The following ELMO1 variants were observed in gnomAD, a reference collection of about 807,000 sequenced individuals.
ELMO1 encodes engulfment and cell motility protein 1.
Under a neutral mutation model 98.9 loss-of-function variants are expected in ELMO1, and 26 were observed. That is an observed-to-expected ratio of 0.26 (90% confidence interval 0.19 to 0.36). The LOEUF (loss-of-function observed/expected upper bound fraction) is 0.36, where lower values mean the gene tolerates loss of function less well. Among genes scored for constraint, ELMO1 ranks in the 10% least tolerant of loss-of-function variants. ELMO1 has a pLI of 1.00. For missense variants in ELMO1, 627 were observed against 935.2 expected (o/e 0.67, Z 4.30); for synonymous variants, 346 against 346.0 (o/e 1.00, Z 0.00).
chr7:37,013,592 T>C (rs1370779788), intron 15 of ELMO1, 157 bp from the exon 16 acceptor site: 1 of 807,792 alleles, frequency 1.2e-6, no homozygotes, highest in Non-Finnish European at 1.9e-6. Context: ...AACCAAAGGA[T>C]GGCCCCCATA....
chr7:37,255,810 C>T (rs77304084), intron 6 of ELMO1, among the ~76,000 whole-genome samples: 1,669 of 105,682 alleles, frequency 0.016, 37 homozygotes, highest in African/African-American at 0.066. Context: ...AATCAATAAA[C>T]AGGGGTAAAC....
intron 18 of ELMO1, among the ~76,000 whole-genome samples, chr7:36,880,533 A>G (rs1164425183): frequency 1.3e-5 from 2 of 152,248 alleles, no homozygotes; most frequent in Non-Finnish European, 2.9e-5. Context: ...TGTTTATCCA[A>G]TGAATATTTG....
intron 17 of ELMO1, among the ~76,000 whole-genome samples, chr7:36,892,381 C>A (rs961054147): frequency 1.2e-4 from 19 of 152,096 alleles, no homozygotes; most frequent in African/African-American, 4.3e-4. Context: ...TGGGTTAGAT[C>A]CAACTCCTCT....
chr7:37,347,343 C>T (rs910897232), intron 1 of ELMO1, among the ~76,000 whole-genome samples: 4 of 152,280 alleles, frequency 2.6e-5, no homozygotes, highest in South Asian at 4.1e-4. Flanking sequence ...GGAGCTGCCC[C>T]GAGCATTGCA....
At chr7:37,421,253 A>G (rs1804458636) in intron 1 of ELMO1, among the ~76,000 whole-genome samples, 1 of 152,180 alleles carries the variant, frequency 6.6e-6, no homozygotes, top group Admixed American at 6.5e-5. Flanking sequence ...ACAGACACAA[A>G]TACTAAGTAT....
intron 1 of ELMO1, among the ~76,000 whole-genome samples, chr7:37,405,876 T>C (rs549886827): frequency 1.2e-4 from 18 of 152,312 alleles, no homozygotes; most frequent in Admixed American, 1.1e-3. Flanking sequence ...CTCTGGAAAG[T>C]TGGCCTCAAG....
chr7:37,098,146 C>A (rs2129260363), intron 14 of ELMO1, among the ~76,000 whole-genome samples: 1 of 152,322 alleles, frequency 6.6e-6, no homozygotes, highest in Non-Finnish European at 1.5e-5. Context: ...TCAGTAGCAT[C>A]TACAATGATG....
chr7:37,066,011 A>G (rs143826436), intron 15 of ELMO1, among the ~76,000 whole-genome samples: 1,743 of 152,160 alleles, frequency 0.011, 16 homozygotes, highest in Admixed American at 0.014. Flanking sequence ...ACAAGATCTG[A>G]TGGTTTTATA....
chr7:36,949,281 A>G (rs765577868), intron 16 of ELMO1, among the ~76,000 whole-genome samples: 2 of 152,162 alleles, frequency 1.3e-5, no homozygotes, highest in Non-Finnish European at 2.9e-5. Flanking sequence ...TTCTTATTCC[A>G]CTGTGTTTCC....
intron 16 of ELMO1, among the ~76,000 whole-genome samples, chr7:37,000,500 C>T (rs1792580095): frequency 6.6e-6 from 1 of 152,238 alleles, no homozygotes; most frequent in Non-Finnish European, 1.5e-5. Flanking sequence ...ACTGGGTCTT[C>T]CCACTCTTAT....
chr7:37,195,711 G>C (rs1285385778), intron 13 of ELMO1, among the ~76,000 whole-genome samples: 1 of 152,212 alleles, frequency 6.6e-6, no homozygotes, highest in Admixed American at 6.5e-5. Flanking sequence ...CCTGGTCCCA[G>C]ACGGACCACC....
chr7:37,260,446 C>G (rs540240629), intron 5 of ELMO1, among the ~76,000 whole-genome samples: 3 of 152,034 alleles, frequency 2.0e-5, no homozygotes, highest in African/African-American at 4.8e-5. Flanking sequence ...ACCTAGGTAT[C>G]GAAGGCAAAA....
At chr7:37,207,276 C>A (rs1337450441) in intron 13 of ELMO1, among the ~76,000 whole-genome samples, 1 of 152,228 alleles carries the variant, frequency 6.6e-6, no homozygotes, top group Non-Finnish European at 1.5e-5. Context: ...CCCGGCAGGG[C>A]ACGGTGGCTC....
chr7:37,438,431 C>CAAA (rs543852959), intron 1 of ELMO1, among the ~76,000 whole-genome samples: 2 of 122,552 alleles, frequency 1.6e-5, no homozygotes, highest in Non-Finnish European at 1.7e-5. Flanking sequence ...ACTAAAAATA[C>CAAA]AAAAAAAAAA....
chr7:37,076,350 G>A (rs997597082), intron 15 of ELMO1, among the ~76,000 whole-genome samples: 5 of 152,170 alleles, frequency 3.3e-5, no homozygotes, highest in Non-Finnish European at 5.9e-5. Context: ...ACTCAAAAAT[G>A]ACAGAAATTA....
chr7:37,119,814 C>T (rs1383948896), intron 14 of ELMO1, among the ~76,000 whole-genome samples: 1 of 152,136 alleles, frequency 6.6e-6, no homozygotes, highest in Non-Finnish European at 1.5e-5. Context: ...TATTCTCCCC[C>T]CTCAGGAAAT....
At chr7:37,229,241 T>C (rs907734310) in intron 8 of ELMO1, among the ~76,000 whole-genome samples, 2 of 152,228 alleles carry the variant, frequency 1.3e-5, no homozygotes, top group Non-Finnish European at 2.9e-5. Flanking sequence ...AAGGCACTGA[T>C]GTTATACTTG....
chr7:37,394,564 G>A (rs1189996099), intron 1 of ELMO1, among the ~76,000 whole-genome samples: 2 of 152,194 alleles, frequency 1.3e-5, no homozygotes, highest in East Asian at 1.9e-4. Flanking sequence ...GGAAGCAAGG[G>A]GCATAAGCAT....
chr7:36,880,678 G>A (rs1162555889), intron 18 of ELMO1, among the ~76,000 whole-genome samples: 1 of 152,190 alleles, frequency 6.6e-6, no homozygotes, highest in Non-Finnish European at 1.5e-5. Context: ...AGGCAGCTAA[G>A]AGAAAGATGT....
Sources: gnomAD v4.1 joint callset for allele counts (sites outside exome capture counted in the v4.1 genomes callset) on GRCh38, gnomAD v4.1.1 for gene constraint, MANE v1.5 for transcripts, NCBI Gene and HGNC (gene_info 2026-07-23, HGNC 2026-07-21) for gene names.